Variants in PTPRK observed in about 807,000 individuals in gnomAD.
PTPRK encodes receptor-type tyrosine-protein phosphatase kappa.
In PTPRK, 75 loss-of-function variants were observed where a neutral mutation model predicts 178.0. The observed-to-expected ratio is 0.42, with a 90% CI of 0.35 to 0.51. The LOEUF (loss-of-function observed/expected upper bound fraction) is 0.51. Among genes scored for constraint, PTPRK ranks in the 20% least tolerant of loss-of-function variants. The probability of loss-of-function intolerance (pLI) is 0.02; values close to 1 mark genes in which losing one functional copy is unlikely to be tolerated. For synonymous variants in PTPRK, 637 were observed against 620.6 expected, an observed-to-expected ratio of 1.03 and a Z score of -0.39; for missense variants, 1,441 against 1,797.8, an observed-to-expected ratio of 0.80 and a Z score of 3.59.
At chr6:128,270,029 G>T (rs1486396940) in intron 3 of PTPRK, among the ~76,000 whole-genome samples, 6 of 152,052 alleles carry the variant, frequency 3.9e-5, no homozygotes, top group Non-Finnish European at 7.4e-5. Context: ...GTACCTGCTA[G>T]TCGATTATCC....
intron 1 of PTPRK, among the ~76,000 whole-genome samples, chr6:128,415,189 C>T (rs1334682314): frequency 2.0e-5 from 3 of 152,176 alleles, no homozygotes; most frequent in Non-Finnish European, 4.4e-5. Flanking sequence ...CAGTCAAGAG[C>T]TATTGTCTAC....
At chr6:128,311,576 C>T (rs1827250937) in intron 3 of PTPRK, among the ~76,000 whole-genome samples, 1 of 152,146 alleles carries the variant, frequency 6.6e-6, no homozygotes, top group Admixed American at 6.6e-5. Flanking sequence ...TTTCTGACCA[C>T]CTGAGACTGC....
chr6:128,253,802 A>G (rs1207179238), intron 3 of PTPRK, among the ~76,000 whole-genome samples: 5 of 152,252 alleles, frequency 3.3e-5, no homozygotes, highest in African/African-American at 7.2e-5. Context: ...AGTTCAGCCT[A>G]CATGTACCAT....
At chr6:128,080,275 G>A (rs896021524) in intron 10 of PTPRK, among the ~76,000 whole-genome samples, 3 of 151,994 alleles carry the variant, frequency 2.0e-5, no homozygotes, top group Non-Finnish European at 4.4e-5. Context: ...AGAAGTAGAG[G>A]ATGGGAGGAG....
chr6:128,476,006 TA>T (rs948062228), intron 1 of PTPRK, among the ~76,000 whole-genome samples: 3 of 151,954 alleles, frequency 2.0e-5, no homozygotes, highest in Non-Finnish European at 2.9e-5. Context: ...TTCTTTTTCT[TA>T]AAAAAAATTT....
chr6:128,334,842 G>A (rs535061674), intron 2 of PTPRK, among the ~76,000 whole-genome samples: 34 of 152,202 alleles, frequency 2.2e-4, no homozygotes, highest in African/African-American at 7.7e-4. Flanking sequence ...TGTAATCCCC[G>A]GACTTTGGGG....
intron 3 of PTPRK, among the ~76,000 whole-genome samples, chr6:128,304,682 G>T (rs1826117178): frequency 6.6e-6 from 1 of 152,112 alleles, no homozygotes; most frequent in Admixed American, 6.6e-5. Flanking sequence ...TTAAAGAAAT[G>T]CAACTTTGCA....
Position 128,507,190 on chromosome 6 carries a change from G to A in PTPRK, c.100+13069C>T, listed in dbSNP as rs774213122. Among the ~76,000 whole-genome samples the A allele has an allele frequency of 2.6e-5, 4 of 152,104 alleles. No individual in the cohort carries two copies. The South Asian group carries it at 8.3e-4, about 32-fold the overall frequency. On this transcript the variant is annotated intron_variant, in intron 1 of 29. Transcript: ENST00000368226. Reference sequence around the variant, plus strand: ...ATGTGTGGAGATCAGCATTTGATAAGTATTCTTTTGCTTAAACACAAAATG... The same window carrying A: ...ATGTGTGGAGATCAGCATTTGATAAATATTCTTTTGCTTAAACACAAAATG...
At chr6:128,171,993 G>C (rs1171884179) in intron 7 of PTPRK, among the ~76,000 whole-genome samples, 1 of 151,854 alleles carries the variant, frequency 6.6e-6, no homozygotes, top group Non-Finnish European at 1.5e-5. Context: ...ACCAACTCTG[G>C]AGAATGTTTT....
intron 1 of PTPRK, among the ~76,000 whole-genome samples, chr6:128,440,787 G>C (rs1846181349): frequency 6.6e-6 from 1 of 151,874 alleles, no homozygotes; most frequent in Non-Finnish European, 1.5e-5. Context: ...CAGCTGGAGA[G>C]TATTCAACTG....
chr6:128,426,298 T>G (rs2128390382), intron 1 of PTPRK, among the ~76,000 whole-genome samples: 1 of 152,338 alleles, frequency 6.6e-6, no homozygotes, highest in South Asian at 2.1e-4. Context: ...AGTTCATTTT[T>G]AAAGCTCCCC....
At chr6:128,448,787 T>C (rs762724985) in intron 1 of PTPRK, among the ~76,000 whole-genome samples, 1 of 152,196 alleles carries the variant, frequency 6.6e-6, no homozygotes, top group African/African-American at 2.4e-5. Context: ...CTTCTCTAAG[T>C]GGCAAAGATG....
At chr6:128,481,845 T>C (rs1473370945) in intron 1 of PTPRK, among the ~76,000 whole-genome samples, 1 of 152,112 alleles carries the variant, frequency 6.6e-6, no homozygotes, top group East Asian at 1.9e-4. Context: ...AGGTCTTTTA[T>C]CTTTTCCAGG....
intron 1 of PTPRK, among the ~76,000 whole-genome samples, chr6:128,397,889 C>G (rs973585997): frequency 8.6e-5 from 13 of 152,030 alleles, no homozygotes; most frequent in Non-Finnish European, 1.6e-4. Context: ...GAAAAAGAAG[C>G]CCATTTGAGA....
chr6:128,112,342 GT>G (rs1401197473), intron 7 of PTPRK, among the ~76,000 whole-genome samples: 1 of 152,034 alleles, frequency 6.6e-6, no homozygotes, highest in African/African-American at 2.4e-5. Flanking sequence ...ATATGATACA[GT>G]TTCTTTAAGT....
rs532296268 is a variant in PTPRK, at chr6:128,498,885, G to C, written c.100+21374C>G. Among the ~76,000 whole-genome samples, 6 of 152,162 alleles carry C rather than the reference G, an allele frequency of 3.9e-5. No individual in the cohort carries two copies. In the East Asian group the frequency reaches 1.2e-3, roughly 29 times the overall value. On this transcript the variant is annotated intron_variant, in intron 1 of 29. Coordinates refer to ENST00000368226, the MANE Select transcript of PTPRK (RefSeq NM_002844.4). ...CTCACAAGTTTTACAGTTGATTGGAGGTTTTGTGTATCTTTTTTATTCCTT... is the reference window on the plus strand; with the variant it reads ...CTCACAAGTTTTACAGTTGATTGGACGTTTTGTGTATCTTTTTTATTCCTT...
At chr6:128,003,204 A>G in intron 15 of PTPRK, 1 of 1,604,546 alleles carries the variant, frequency 6.2e-7, no homozygotes, top group South Asian at 1.1e-5. Flanking sequence ...CACCTAACAC[A>G]GCAGTCGGTA....
intron 2 of PTPRK, among the ~76,000 whole-genome samples, chr6:128,342,118 T>C (rs1282089432): frequency 6.6e-6 from 1 of 151,952 alleles, no homozygotes; most frequent in Admixed American, 6.6e-5. Flanking sequence ...CTGGGTGTGG[T>C]GGCACATGCT....
chr6:128,449,451 T>C (rs1382882857), intron 1 of PTPRK, among the ~76,000 whole-genome samples: 1 of 152,132 alleles, frequency 6.6e-6, no homozygotes, highest in Non-Finnish European at 1.5e-5. Flanking sequence ...AGAAGGACAC[T>C]TTTTTCCAGG....
Sources: allele counts gnomAD v4.1 joint callset (sites outside exome capture counted in the v4.1 genomes callset), GRCh38; gene constraint gnomAD v4.1.1; transcripts MANE v1.5; gene names NCBI Gene and HGNC (gene_info 2026-07-23, HGNC 2026-07-21).